The following PRKN variants were observed in gnomAD, a reference collection of about 807,000 sequenced individuals.
The protein encoded by PRKN is parkin RBR E3 ubiquitin protein ligase, also known as E3 ubiquitin-protein ligase parkin.
Under a neutral mutation model 59.5 loss-of-function variants are expected in PRKN, and 56 were observed. That is an observed-to-expected ratio of 0.94 (90% CI 0.76 to 1.18). The LOEUF (loss-of-function observed/expected upper bound fraction) is 1.18, where lower values mean the gene tolerates loss of function less well. Among genes scored for constraint, PRKN ranks in the 50% most tolerant of loss-of-function variants. The pLI is 0.00. For missense variants in PRKN, 657 were observed against 596.4 expected, an observed-to-expected ratio of 1.10 and a Z score of -1.06; for synonymous variants, 250 against 222.1, an observed-to-expected ratio of 1.13 and a Z score of -1.12.
At chr6:161,960,355 C>G (rs1780335775) in intron 6 of PRKN, among the ~76,000 whole-genome samples, 1 of 152,106 alleles carries the variant, frequency 6.6e-6, no homozygotes. Context: ...GGAAAGACGG[C>G]TGGAGACAAA....
At chr6:162,502,908 T>TA in intron 1 of PRKN, among the ~76,000 whole-genome samples, 1 of 152,224 alleles carries the variant, frequency 6.6e-6, no homozygotes, top group Non-Finnish European at 1.5e-5. Flanking sequence ...TATTCTGTGT[T>TA]ACATAATTTT....
intron 2 of PRKN, among the ~76,000 whole-genome samples, chr6:162,280,395 A>C (rs1048891995): frequency 2.0e-5 from 3 of 152,142 alleles, no homozygotes; most frequent in African/African-American, 7.2e-5. Context: ...TCAAGGGGGA[A>C]ATTTATAGTA....
intron 7 of PRKN, among the ~76,000 whole-genome samples, chr6:161,673,635 C>A (rs1463032524): frequency 1.3e-5 from 2 of 152,122 alleles, no homozygotes; most frequent in African/African-American, 4.8e-5. Flanking sequence ...GGAGACCAGG[C>A]TGGAAGGAGA....
In PRKN at chr6:162,107,262, C is replaced by G. The variant is rs185051902; in HGVS notation, c.535-53088G>C. 7.9e-5 allele frequency among the ~76,000 whole-genome samples: 12 copies of G among 152,212 alleles called. No individual in the cohort carries two copies. The East Asian group carries it at 2.3e-3, about 30-fold the overall frequency. The stretch of plus-strand genomic sequence containing the variant: ...GGCGCATCACTTGAGGTCAGGAGTT[C>G]GAGACCAGCCTGGCCAACATGGCGA... On this transcript the variant is annotated intron_variant, in intron 4 of 11. Coordinates refer to ENST00000366898, the MANE Select transcript of PRKN (RefSeq NM_004562.3).
intron 7 of PRKN, among the ~76,000 whole-genome samples, chr6:161,610,419 C>T (rs1010801226): frequency 4.0e-5 from 6 of 151,564 alleles, no homozygotes; most frequent in African/African-American, 1.5e-4. Flanking sequence ...TTGATTGACC[C>T]ACTTATTTAT....
rs1188387452 is a variant in PRKN at position 162,166,781 on chromosome 6, G to T, written c.534+34350C>A. On this transcript the variant is annotated intron_variant, in intron 4 of 11. Transcript: ENST00000366898. ...AACAGCATGAAGAGATTAGTAGACA[G>T]ATGCTCTAGCTTCCCATTCTCTGGA... Among the ~76,000 whole-genome samples the T allele has an allele frequency of 3.3e-5, 5 of 152,180 alleles. No individual in the cohort carries two copies. The East Asian group carries it at 9.6e-4, about 29-fold the overall frequency.
At chr6:162,381,036 T>C (rs1786457670) in intron 2 of PRKN, among the ~76,000 whole-genome samples, 1 of 152,120 alleles carries the variant, frequency 6.6e-6, no homozygotes, top group Non-Finnish European at 1.5e-5. Flanking sequence ...CGAACCGTTC[T>C]TCCTCTTCCA....
chr6:162,069,863 G>C (rs1033127062), intron 4 of PRKN, among the ~76,000 whole-genome samples: 1 of 152,052 alleles, frequency 6.6e-6, no homozygotes, highest in African/African-American at 2.4e-5. Context: ...TATGAATAAT[G>C]AAAAATCCCT....
intron 7 of PRKN, among the ~76,000 whole-genome samples, chr6:161,741,979 T>TTTAC (rs1554299370): frequency 7.5e-6 from 1 of 134,018 alleles, no homozygotes; most frequent in African/African-American, 2.6e-5. Context: ...TATTTATTTA[T>TTTAC]TTATTTTGAG....
rs185768529 is a variant in PRKN, at chr6:161,599,244, G to A, written c.872-29828C>T. On this transcript the variant is annotated intron_variant, in intron 7 of 11. Coordinates refer to ENST00000366898, the MANE Select transcript of PRKN (RefSeq NM_004562.3). ...GGCAGATTGTTTTTTGGCAGCCCTAGGAAACTAATACAATGGGTGACAATG... is the reference window on the plus strand; with the variant it reads ...GGCAGATTGTTTTTTGGCAGCCCTAAGAAACTAATACAATGGGTGACAATG... 7.9e-5 allele frequency among the ~76,000 whole-genome samples: 12 copies of A among 152,260 alleles called. No homozygotes were observed. In the East Asian group the frequency reaches 2.3e-3, roughly 29 times the overall value.
intron 7 of PRKN, among the ~76,000 whole-genome samples, chr6:161,644,070 A>T (rs1006793860): frequency 8.5e-5 from 13 of 152,164 alleles, no homozygotes; most frequent in African/African-American, 3.1e-4. Flanking sequence ...CGCAGGAAGG[A>T]GAATCTTTCC....
Position 161,349,993 on chromosome 6 carries a change from C to T in PRKN, c.*106G>A, listed in dbSNP as rs573670651. ...GAAAAAAACTTGAAGAGTGTGTGTG[C>T]GCGCGCGCGCGTGTGTGTGTGTGTT... On this transcript the variant is annotated 3_prime_UTR_variant, in exon 12 of 12. Transcript: ENST00000366898. The surrounding 1 kb of genome is among the most constrained non-coding windows in gnomAD (Gnocchi z 5.5). 878 of 756,248 alleles carry T rather than the reference C, an allele frequency of 1.2e-3. 1 individual carries two copies. Among genetic ancestry groups the T allele is most frequent in the Non-Finnish European group, 1.6e-3 (682 of 437,386 alleles). 46.8% of individuals were successfully genotyped at this position (756,248 alleles called of 1,614,324 possible). A position where few individuals can be genotyped will look rare whatever the true frequency, so the allele number is the denominator to read the frequency against.
intron 2 of PRKN, among the ~76,000 whole-genome samples, chr6:162,288,925 G>A (rs1781310785): frequency 6.6e-6 from 1 of 152,176 alleles, no homozygotes; most frequent in South Asian, 2.1e-4. Context: ...CAGTACCATT[G>A]TGAAGTCTGT....
At chr6:161,908,123 A>C (rs2128236451) in intron 6 of PRKN, among the ~76,000 whole-genome samples, 1 of 152,286 alleles carries the variant, frequency 6.6e-6, no homozygotes, top group East Asian at 1.9e-4. Flanking sequence ...AAAGAACATA[A>C]GGAATTTTCC....
intron 2 of PRKN, among the ~76,000 whole-genome samples, chr6:162,298,384 C>G (rs11961721): frequency 6.6e-6 from 1 of 152,024 alleles, no homozygotes; most frequent in Non-Finnish European, 1.5e-5. Context: ...GTAACAGCTT[C>G]GCACCATGAA....
chr6:162,727,742 C>T lies in PRKN; in HGVS notation c.-74G>A, dbSNP rs1362063712. 8.2e-6 allele frequency: 12 copies of T among 1,472,382 alleles called. No individual in the cohort carries two copies. The highest frequency in any genetic ancestry group is 2.5e-5 in the East Asian group (1 of 40,420). The allele number at this position is 1,472,382 out of a possible 1,614,324, so 91.2% of individuals were successfully genotyped here. A position where few individuals can be genotyped will look rare whatever the true frequency, so the allele number is the denominator to read the frequency against. ...CAGCGGCGCCAGCCGCGCCTCCCAC[C>T]AGCGGCTCTCCTGGGTTAAATCCTC... On this transcript the variant is annotated 5_prime_UTR_variant, in exon 1 of 12. Transcript: ENST00000366898.
chr6:162,331,837 C>T (rs1783591761), intron 2 of PRKN, among the ~76,000 whole-genome samples: 1 of 152,132 alleles, frequency 6.6e-6, no homozygotes, highest in African/African-American at 2.4e-5. Flanking sequence ...GTTATTGTCT[C>T]TGACACTGCA....
At chr6:162,440,017 G>A (rs1277003414) in intron 2 of PRKN, among the ~76,000 whole-genome samples, 1 of 152,108 alleles carries the variant, frequency 6.6e-6, no homozygotes, top group African/African-American at 2.4e-5. Flanking sequence ...GCAATGTCTA[G>A]GCTTTTTAGT....
At chr6:162,301,785 G>GGGA (rs1781967705) in intron 2 of PRKN, among the ~76,000 whole-genome samples, 1 of 116,442 alleles carries the variant, frequency 8.6e-6, no homozygotes, top group South Asian at 2.8e-4. Flanking sequence ...GGCCGGGGCG[G>GGGA]GGGGGGGGTG....
Sources: allele counts gnomAD v4.1 joint callset (sites outside exome capture counted in the v4.1 genomes callset), GRCh38; gene constraint gnomAD v4.1.1; non-coding constraint Gnocchi (gnomAD v3.1); transcripts MANE v1.5; gene names NCBI Gene and HGNC (gene_info 2026-07-23, HGNC 2026-07-21).